ACOXL: variants seen among roughly 807,000 people sequenced by gnomAD.
The protein encoded by ACOXL is acyl-coenzyme A oxidase-like protein.
In ACOXL, 70 loss-of-function variants were observed where a neutral mutation model predicts 71.9. The observed-to-expected ratio is 0.97, with a 90% CI of 0.80 to 1.19. The LOEUF (loss-of-function observed/expected upper bound fraction) is 1.19. Ranked by LOEUF, ACOXL falls within the 50% of genes most tolerant of loss-of-function variation. The pLI is 0.00. For synonymous variants in ACOXL, 253 were observed against 281.6 expected (o/e 0.90, Z 1.02); for missense variants, 703 against 736.3 (o/e 0.95, Z 0.52).
intron 12 of ACOXL, among the ~76,000 whole-genome samples, chr2:110,962,621 C>A (rs1276731305): frequency 1.3e-5 from 2 of 152,238 alleles, no homozygotes; most frequent in African/African-American, 4.8e-5. Flanking sequence ...GAAATCCAGA[C>A]TTCTAAGACC....
At chr2:111,004,838 A>T (rs1015599538) in intron 14 of ACOXL, among the ~76,000 whole-genome samples, 1 of 152,170 alleles carries the variant, frequency 6.6e-6, no homozygotes, top group Non-Finnish European at 1.5e-5. Flanking sequence ...GGGACAGAGA[A>T]CGGAGAGTGA....
At chr2:110,774,523 C>T (rs1386601617) in intron 2 of ACOXL, among the ~76,000 whole-genome samples, 1 of 152,086 alleles carries the variant, frequency 6.6e-6, no homozygotes, top group Non-Finnish European at 1.5e-5. Flanking sequence ...CATTTCTATG[C>T]ATTAATAATG....
At chr2:110,796,914 T>A (rs73956461) in intron 5 of ACOXL, among the ~76,000 whole-genome samples, 1 of 152,266 alleles carries the variant, frequency 6.6e-6, no homozygotes, top group African/African-American at 2.4e-5. Flanking sequence ...CTATATACTT[T>A]ATAGTCTGAA....
At chr2:110,965,134 A>G (rs558451974) in intron 12 of ACOXL, among the ~76,000 whole-genome samples, 89 of 152,170 alleles carry the variant, frequency 5.8e-4, no homozygotes, top group Non-Finnish European at 7.5e-4. Context: ...AGTTCCATTC[A>G]TGTAGCTGCA....
intron 12 of ACOXL, among the ~76,000 whole-genome samples, chr2:110,966,512 G>C (rs1328956488): frequency 6.6e-6 from 1 of 152,214 alleles, no homozygotes; most frequent in Non-Finnish European, 1.5e-5. Flanking sequence ...CAAGAAACTG[G>C]ATCAAGTAGC....
intron 16 of ACOXL, among the ~76,000 whole-genome samples, chr2:111,085,311 T>C (rs1425254814): frequency 6.6e-6 from 1 of 152,154 alleles, no homozygotes; most frequent in Non-Finnish European, 1.5e-5. Flanking sequence ...TACTCTAAAA[T>C]TGACCACACA....
chr2:110,765,806 T>C (rs1680978777), intron 1 of ACOXL, among the ~76,000 whole-genome samples: 1 of 152,216 alleles, frequency 6.6e-6, no homozygotes, highest in African/African-American at 2.4e-5. Flanking sequence ...TACTTTCTAA[T>C]ATAATCACCT....
chr2:111,115,961 G>GT (rs1479792732), intron 17 of ACOXL, among the ~76,000 whole-genome samples: 3 of 152,108 alleles, frequency 2.0e-5, no homozygotes, highest in Non-Finnish European at 4.4e-5. Flanking sequence ...CCTACGTTCT[G>GT]TTTTTGGCAC....
At chr2:110,853,162 A>T (rs2148938969) in intron 10 of ACOXL, among the ~76,000 whole-genome samples, 1 of 152,110 alleles carries the variant, frequency 6.6e-6, no homozygotes, top group South Asian at 2.1e-4. Flanking sequence ...TGTGGTTCTA[A>T]ACTATGGTGA....
chr2:110,923,657 G>A lies in ACOXL; in HGVS notation c.906-9832G>A, dbSNP rs1051392644. On this transcript the variant is annotated intron_variant, in intron 11 of 17. Coordinates refer to ENST00000439055, the MANE Select transcript of ACOXL (RefSeq NM_001142807.4). ...TTATTAGAAACAGAGCATGAGGCCTGGTGTGGTGGCTCATGCCTGTAATCT... is the reference window on the plus strand; with the variant it reads ...TTATTAGAAACAGAGCATGAGGCCTAGTGTGGTGGCTCATGCCTGTAATCT... Among the ~76,000 whole-genome samples the A allele has an allele frequency of 2.0e-5, 3 of 152,094 alleles. No homozygotes were observed. In the East Asian group the frequency reaches 5.8e-4, roughly 29 times the overall value.
intron 2 of ACOXL, among the ~76,000 whole-genome samples, chr2:110,771,145 A>G (rs1486837609): frequency 6.6e-6 from 1 of 152,190 alleles, no homozygotes; most frequent in Non-Finnish European, 1.5e-5. Context: ...TGAATTCACA[A>G]AAGCCAATAA....
chr2:110,811,567 C>G (rs1176108027), intron 9 of ACOXL, among the ~76,000 whole-genome samples: 1 of 152,158 alleles, frequency 6.6e-6, no homozygotes, highest in East Asian at 1.9e-4. Context: ...GGTGGCCTTA[C>G]TCATCTGCTC....
In ACOXL at chr2:111,049,494, G is replaced by A. The variant is rs1400499737; in HGVS notation, c.1440+206G>A. Among the ~76,000 whole-genome samples the A allele has an allele frequency of 3.3e-5, 5 of 152,182 alleles. No homozygotes were observed. In the East Asian group the frequency reaches 9.6e-4, roughly 29 times the overall value. ...CGGAGTGCGGGAAAGTGACAGGAGA[G>A]TGGGTGTCCACATGAGTGGGGAATC... On this transcript the variant is annotated intron_variant, in intron 16 of 17. Transcript: ENST00000439055.
chr2:110,925,633 G>A (rs2060240755), intron 11 of ACOXL, among the ~76,000 whole-genome samples: 1 of 152,174 alleles, frequency 6.6e-6, no homozygotes, highest in Admixed American at 6.5e-5. Flanking sequence ...TGTTGTGATT[G>A]GTTTGATCTT....
chr2:110,840,890 C>A (rs558106357), intron 9 of ACOXL, among the ~76,000 whole-genome samples: 1 of 152,266 alleles, frequency 6.6e-6, no homozygotes, highest in Admixed American at 6.5e-5. Context: ...AGACTCTGGC[C>A]CAGGTGGCCT....
chr2:110,751,111 A>G (rs773517190), intron 1 of ACOXL, among the ~76,000 whole-genome samples: 23 of 152,000 alleles, frequency 1.5e-4, no homozygotes, highest in Non-Finnish European at 2.6e-4. Flanking sequence ...ATCCTGGCTA[A>G]CATGGTGAAA....
intron 10 of ACOXL, among the ~76,000 whole-genome samples, chr2:110,888,225 T>G (rs1012481246): frequency 2.0e-5 from 3 of 152,162 alleles, no homozygotes; most frequent in Non-Finnish European, 4.4e-5. Flanking sequence ...ATTACCCCAG[T>G]ATGGAACTGG....
chr2:110,952,849 A>G (rs918414857), intron 12 of ACOXL, among the ~76,000 whole-genome samples: 6 of 152,118 alleles, frequency 3.9e-5, no homozygotes, highest in African/African-American at 1.4e-4. Context: ...TCTATTATAA[A>G]CACTTAAAAT....
At chr2:111,031,529 TA>T in intron 14 of ACOXL, 97 bp from the exon 15 acceptor site, 2 of 1,057,552 alleles carry the variant, frequency 1.9e-6, no homozygotes, top group Non-Finnish European at 1.5e-6. Flanking sequence ...ATGCTTAATG[TA>T]GTACTGAAAA....
Sources: allele counts gnomAD v4.1 joint callset (sites outside exome capture counted in the v4.1 genomes callset), GRCh38; gene constraint gnomAD v4.1.1; transcripts MANE v1.5; gene names NCBI Gene and HGNC (gene_info 2026-07-23, HGNC 2026-07-21).